The following ZNF37A variants were observed in gnomAD, a reference collection of about 807,000 sequenced individuals.
ZNF37A encodes zinc finger protein 37A, also known as zinc finger protein 37a (KOX 21).
A neutral mutation model predicts 12.3 loss-of-function variants in ZNF37A; 10 were observed. The ratio of observed to expected loss-of-function variants is 0.82; its 90% CI spans 0.50 to 1.38. The LOEUF (loss-of-function observed/expected upper bound fraction) is 1.38. Ranked by LOEUF, ZNF37A falls within the 40% of genes most tolerant of loss-of-function variation. The probability of loss-of-function intolerance (pLI) is 0.00; values close to 1 mark genes in which losing one functional copy is unlikely to be tolerated. For synonymous variants in ZNF37A, 207 were observed against 223.0 expected, an observed-to-expected ratio of 0.93 and a Z score of 0.64; for missense variants, 580 against 651.2, an observed-to-expected ratio of 0.89 and a Z score of 1.19.
At chr10:38,147,534 C>T (rs186396181) in exon 8 of ZNF37A, 193 of 152,232 alleles carry the variant, frequency 1.3e-3, no homozygotes, top group African/African-American at 4.3e-3. Flanking sequence ...TAAAAATTCC[C>T]CCAGTTTTAT....
downstream of ZNF37A, among the ~76,000 whole-genome samples, chr10:38,128,976 A>T (rs983803388): frequency 1.3e-5 from 2 of 151,614 alleles, no homozygotes; most frequent in African/African-American, 2.4e-5. Context: ...CTGGTCTCGA[A>T]CTCCTGACCT....
chr10:38,145,131 A>G (rs2070234580), intron 7 of ZNF37A, among the ~76,000 whole-genome samples: 1 of 152,212 alleles, frequency 6.6e-6, no homozygotes, highest in Non-Finnish European at 1.5e-5. Flanking sequence ...CTAAACATAC[A>G]GGAGACAAAT....
intron 5 of ZNF37A, among the ~76,000 whole-genome samples, chr10:38,111,045 G>A (rs1590862766): frequency 6.6e-6 from 1 of 152,006 alleles, no homozygotes; most frequent in African/African-American, 2.4e-5. Context: ...ACGTTTTTTT[G>A]TGGCACTGTT....
chr10:38,106,329 C>T lies in ZNF37A; in HGVS notation c.16-8426C>T, dbSNP rs1273133571. Among the ~76,000 whole-genome samples, 6 of 152,108 alleles carry T rather than the reference C, an allele frequency of 3.9e-5. No individual in the cohort carries two copies. In the East Asian group the frequency reaches 1.2e-3, roughly 29 times the overall value. On this transcript the variant is annotated intron_variant, in intron 5 of 7. Transcript: ENST00000685332. ...AACAAAAAGGACATCCATTCAGAAA[C>T]CCCATCTGAAGGTCACCAACATCAA...
Position 38,118,830 on chromosome 10 carries a change from C to T in ZNF37A, c.1679C>T (p.Ser560Phe). Residue 560 changes from serine to phenylalanine, a missense_variant, in exon 8 of 8, where the codon TCT becomes TTT. Ser to Phe is a radical substitution (Grantham distance 155, BLOSUM62 -2). Transcript: ENST00000685332. ...PINVVNEGNY[S>F]G is the part of the protein sequence containing the mutation. ...AATGTAGTAAACGAGGGAAATTACT[C>T]TGGGTGAAGTCAGAACTTTGTAGAA... is the stretch of plus-strand genomic sequence containing the variant. 1 of 1,567,196 alleles carries T rather than the reference C, an allele frequency of 6.4e-7. No homozygotes were observed. Among genetic ancestry groups the T allele is most frequent in the Non-Finnish European group, 8.6e-7 (1 of 1,159,622 alleles).
chr10:38,118,205 G>A lies in ZNF37A; in HGVS notation c.1054G>A (p.Glu352Lys). Residue 352 changes from glutamate to lysine, a missense_variant, in exon 8 of 8, where the codon GAG becomes AAG. Coordinates refer to ENST00000685332, the MANE Select transcript of ZNF37A (RefSeq NM_001324250.3). The stretch of plus-strand genomic sequence containing the variant: ...TCAACATCAAAGAACGCACACAGGG[G>A]AGAAACCATATGAATGTCATGAATG... The part of the protein sequence containing the change: ...LTQHQRTHTG[E>K]KPYECHECGK... 2 of 1,614,040 alleles carry A rather than the reference G, an allele frequency of 1.2e-6. No homozygotes were observed. Among genetic ancestry groups the A allele is most frequent in the Non-Finnish European group, 1.7e-6 (2 of 1,179,952 alleles).
downstream of ZNF37A, among the ~76,000 whole-genome samples, chr10:38,126,436 A>G (rs1249369871): frequency 1.3e-5 from 2 of 152,096 alleles, no homozygotes; most frequent in Non-Finnish European, 2.9e-5. Flanking sequence ...GTTGGGAGAG[A>G]GACAGATTTG....
intron 6 of ZNF37A, 92 bp downstream of exon 6, chr10:38,114,973 AT>A: frequency 6.7e-7 from 1 of 1,484,474 alleles, no homozygotes; most frequent in African/African-American, 1.4e-5. Flanking sequence ...ATATAATAAT[AT>A]TTAGGTTTGA....
At chr10:38,101,823 CTTTTTTT>C (rs3041908) in intron 5 of ZNF37A, among the ~76,000 whole-genome samples, 2 of 133,166 alleles carry the variant, frequency 1.5e-5, no homozygotes, top group African/African-American at 5.5e-5. Context: ...TTTTATTTTT[CTTTTTTT>C]TTTTTTTTTT....
downstream of ZNF37A, among the ~76,000 whole-genome samples, chr10:38,129,304 T>TA (rs775705417): frequency 0.046 from 2,598 of 56,880 alleles, 343 homozygotes; most frequent in Non-Finnish European, 0.064. Context: ...AGACTCTGTC[T>TA]AAAAAAAAAA....
At chr10:38,143,316 G>T (rs2070209289) in intron 7 of ZNF37A, 1 of 152,238 alleles carries the variant, frequency 6.6e-6, no homozygotes. Flanking sequence ...TCACTGGAAA[G>T]ATATGGTAAT....
chr10:38,110,026 G>C (rs989031468), intron 5 of ZNF37A, among the ~76,000 whole-genome samples: 1 of 152,100 alleles, frequency 6.6e-6, no homozygotes, highest in Non-Finnish European at 1.5e-5. Flanking sequence ...AAAGAGCCTG[G>C]ATAGCCAAGA....
At chr10:38,141,283 G>A (rs1370839228) in intron 7 of ZNF37A, 12 of 152,100 alleles carry the variant, frequency 7.9e-5, no homozygotes, top group Middle Eastern at 3.2e-3. Flanking sequence ...AAATAACCTC[G>A]CAGAGGAGCA....
At position 38,118,545 on chromosome 10, in the gene ZNF37A, A is replaced by T; in HGVS notation, c.1394A>T (p.Lys465Ile). Residue 465 changes from lysine (K) to isoleucine (I), a missense_variant, in exon 8 of 8, where the codon AAA becomes ATA. Physicochemically the swap from Lys to Ile is moderately radical, Grantham distance 102. Transcript: ENST00000685332. ...CATCTGAGAAGACACACAGGGGAGA[A>T]ACCTTTTGGATGTAATGAATGTGGG... is the stretch of plus-strand genomic sequence containing the variant. ...TEHLRRHTGE[K>I]PFGCNECGKT... 1 of 1,614,016 alleles carries T rather than the reference A, an allele frequency of 6.2e-7. No individual in the cohort carries two copies. The highest frequency in any genetic ancestry group is 8.5e-7 in the Non-Finnish European group (1 of 1,179,956).
intron 5 of ZNF37A, among the ~76,000 whole-genome samples, chr10:38,105,889 A>C (rs2068029152): frequency 6.6e-6 from 1 of 152,208 alleles, no homozygotes; most frequent in South Asian, 2.1e-4. Flanking sequence ...GTTAGCTCAT[A>C]GATGTTTTGT....
In ZNF37A at chr10:38,118,900, T is replaced by C. The variant is rs1305672861; in HGVS notation, c.*63T>C. The C allele has an allele frequency of 2.0e-6, 3 of 1,503,390 alleles. No individual in the cohort carries two copies. The highest frequency in any genetic ancestry group is 4.6e-5 in the Admixed American group (2 of 43,316). 93.1% of individuals were successfully genotyped at this position (1,503,390 alleles called of 1,614,324 possible). A position where few individuals can be genotyped will look rare whatever the true frequency, so the allele number is the denominator to read the frequency against. On this transcript the variant is annotated 3_prime_UTR_variant, in exon 8 of 8. Coordinates refer to ENST00000685332, the MANE Select transcript of ZNF37A (RefSeq NM_001324250.3). ...GAGAAATCTGTTAATATAATGATAATGAGAACACCTTTGCCCTGAAGTCAG... is the reference window on the plus strand; with the variant it reads ...GAGAAATCTGTTAATATAATGATAACGAGAACACCTTTGCCCTGAAGTCAG...
At chr10:38,147,013 C>T (rs1353178206) in exon 8 of ZNF37A, 3 of 345,018 alleles carry the variant, frequency 8.7e-6, no homozygotes, top group Non-Finnish European at 1.6e-5. Context: ...GCATTTTTAG[C>T]GAGGAGCAGA....
At chr10:38,116,845 A>C (rs2069306793) in intron 7 of ZNF37A, among the ~76,000 whole-genome samples, 2 of 152,214 alleles carry the variant, frequency 1.3e-5, no homozygotes, top group Admixed American at 6.5e-5. Context: ...GCAGTGGCTC[A>C]TGCCTGTAAT....
chr10:38,104,884 TA>T (rs1377347226), intron 5 of ZNF37A, among the ~76,000 whole-genome samples: 1 of 152,214 alleles, frequency 6.6e-6, no homozygotes, highest in Non-Finnish European at 1.5e-5. Flanking sequence ...GTTTCAATCT[TA>T]ACCCCATAGC....
Sources: allele counts gnomAD v4.1 joint callset (sites outside exome capture counted in the v4.1 genomes callset), GRCh38; gene constraint gnomAD v4.1.1; transcripts MANE v1.5; gene names NCBI Gene and HGNC (gene_info 2026-07-23, HGNC 2026-07-21).